PPARGC1A: variants seen among roughly 807,000 people sequenced by gnomAD.
The protein encoded by PPARGC1A is PPARG coactivator 1 alpha.
A neutral mutation model predicts 88.7 loss-of-function variants in PPARGC1A; 25 were observed. That is an observed-to-expected ratio of 0.28 (90% CI 0.21 to 0.39). The LOEUF (loss-of-function observed/expected upper bound fraction) is 0.39. Ranked by LOEUF, PPARGC1A falls within the 10% of genes least tolerant of loss-of-function variation. The probability of loss-of-function intolerance (pLI) is 1.00; values close to 1 mark genes in which losing one functional copy is unlikely to be tolerated. For missense variants in PPARGC1A, 880 were observed against 968.7 expected, an observed-to-expected ratio of 0.91 and a Z score of 1.22; for synonymous variants, 363 against 355.6, an observed-to-expected ratio of 1.02 and a Z score of -0.24.
intron 3 of PPARGC1A, among the ~76,000 whole-genome samples, chr4:23,829,829 G>C (rs60442337): frequency 0.015 from 2,323 of 152,102 alleles, 31 homozygotes; most frequent in Non-Finnish European, 0.025. Context: ...TCAATTTCTA[G>C]AATCGTATGC....
At chr4:23,974,747 C>G in the PPARGC1A span, among the ~76,000 whole-genome samples, 613 of 150,312 alleles carry the variant, frequency 4.1e-3, 6 homozygotes, top group African/African-American at 0.014. Flanking sequence ...ATTCTCCCGC[C>G]TCGGCCTCCC....
the PPARGC1A span, among the ~76,000 whole-genome samples, chr4:24,371,845 G>A: frequency 6.6e-6 from 1 of 151,804 alleles, no homozygotes; most frequent in African/African-American, 2.4e-5. Context: ...CAGCTACTCA[G>A]GAGACTGAGG....
At chr4:24,249,707 A>G in the PPARGC1A span, among the ~76,000 whole-genome samples, 1 of 152,196 alleles carries the variant, frequency 6.6e-6, no homozygotes, top group Non-Finnish European at 1.5e-5. Flanking sequence ...TAAAGAAATC[A>G]GAGAACTGAG....
At chr4:23,954,954 C>T in the PPARGC1A span, among the ~76,000 whole-genome samples, 10 of 151,954 alleles carry the variant, frequency 6.6e-5, no homozygotes, top group Admixed American at 6.6e-4. Context: ...CTAAGCATCG[C>T]TGGGTATCAG....
the PPARGC1A span, among the ~76,000 whole-genome samples, chr4:24,220,138 A>C: frequency 6.6e-6 from 1 of 152,196 alleles, no homozygotes; most frequent in African/African-American, 2.4e-5. Flanking sequence ...AATATTACTA[A>C]CCATCAGGGA....
intron 2 of PPARGC1A, among the ~76,000 whole-genome samples, chr4:23,861,740 T>C (rs772869363): frequency 6.6e-6 from 1 of 152,160 alleles, no homozygotes; most frequent in Non-Finnish European, 1.5e-5. Context: ...TGCTGCCCAC[T>C]AAAGGAAGGG....
chr4:24,422,572 C>T, the PPARGC1A span, among the ~76,000 whole-genome samples: 1 of 151,682 alleles, frequency 6.6e-6, no homozygotes, highest in Non-Finnish European at 1.5e-5. Context: ...CCCACCTACA[C>T]CCTGAGCTAC....
chr4:24,417,108 A>G, the PPARGC1A span, among the ~76,000 whole-genome samples: 2 of 152,130 alleles, frequency 1.3e-5, no homozygotes, highest in Non-Finnish European at 2.9e-5. Flanking sequence ...ACTGGTAGGA[A>G]AGGAAGGAGA....
the PPARGC1A span, among the ~76,000 whole-genome samples, chr4:24,230,779 G>T: frequency 1.4e-3 from 209 of 152,188 alleles, 1 homozygote; most frequent in Non-Finnish European, 2.3e-3. Flanking sequence ...AAGTGGTCAG[G>T]CTTGACAAAG....
rs143208033 is a variant in PPARGC1A, at chr4:23,834,756, C to T, written c.235-3005G>A. Among the ~76,000 whole-genome samples, 1,181 of 152,138 alleles carry T rather than the reference C, an allele frequency of 7.8e-3. 9 individuals are homozygous for T. Among genetic ancestry groups the T allele is most frequent in the South Asian group, 0.02 (94 of 4,802 alleles). On this transcript the variant is annotated intron_variant, in intron 2 of 12. Transcript: ENST00000264867. ...CTGAAATGATATTCCTTATTTTCTG[C>T]CCAGGATCATAATCTGGTATCCAAA...
At chr4:24,178,802 C>T in the PPARGC1A span, among the ~76,000 whole-genome samples, 12 of 152,084 alleles carry the variant, frequency 7.9e-5, no homozygotes, top group Non-Finnish European at 1.6e-4. Context: ...CTTTGTTAGA[C>T]AATAAAAATA....
At chr4:24,433,117 A>G in the PPARGC1A span, among the ~76,000 whole-genome samples, 1 of 152,218 alleles carries the variant, frequency 6.6e-6, no homozygotes, top group Admixed American at 6.5e-5. Flanking sequence ...CCATAATTAG[A>G]TGGAGATATG....
the PPARGC1A span, among the ~76,000 whole-genome samples, chr4:24,409,252 A>G: frequency 7.4e-4 from 112 of 152,250 alleles, no homozygotes; most frequent in African/African-American, 2.6e-3. Context: ...TTTAATGTGC[A>G]GAATTGGTAA....
At chr4:24,328,807 A>G in the PPARGC1A span, among the ~76,000 whole-genome samples, 2 of 152,178 alleles carry the variant, frequency 1.3e-5, no homozygotes, top group African/African-American at 2.4e-5. Flanking sequence ...AGGGGAAGCA[A>G]TGTCCTTTTT....
At chr4:24,282,091 G>A in the PPARGC1A span, among the ~76,000 whole-genome samples, 1 of 152,142 alleles carries the variant, frequency 6.6e-6, no homozygotes, top group Non-Finnish European at 1.5e-5. Flanking sequence ...AAGATTTCAT[G>A]TGAACATTAC....
chr4:23,991,433 A>G, the PPARGC1A span, among the ~76,000 whole-genome samples: 2 of 151,988 alleles, frequency 1.3e-5, no homozygotes, highest in Non-Finnish European at 2.9e-5. Flanking sequence ...GACAAACACA[A>G]TCTCTGCTTG....
At chr4:23,859,809 A>G (rs1309912108) in intron 2 of PPARGC1A, among the ~76,000 whole-genome samples, 64 of 66,002 alleles carry the variant, frequency 9.7e-4, no homozygotes, top group African/African-American at 3.4e-3. Context: ...ATAAAATAAA[A>G]TAAAATAAAA....
chr4:23,803,373 G>C (rs2109357950), intron 10 of PPARGC1A, among the ~76,000 whole-genome samples: 1 of 152,248 alleles, frequency 6.6e-6, no homozygotes, highest in Non-Finnish European at 1.5e-5. Flanking sequence ...CTAAATAAAA[G>C]AGGCTATAAA....
chr4:24,204,223 G>C, the PPARGC1A span, among the ~76,000 whole-genome samples: 1 of 152,084 alleles, frequency 6.6e-6, no homozygotes, highest in East Asian at 1.9e-4. Flanking sequence ...GAGCCAAAAG[G>C]GGCTTTTCTG....
Sources: allele counts gnomAD v4.1 joint callset (sites outside exome capture counted in the v4.1 genomes callset), GRCh38; gene constraint gnomAD v4.1.1; transcripts MANE v1.5; gene names NCBI Gene and HGNC (gene_info 2026-07-23, HGNC 2026-07-21).